Variants in MCMBP observed in about 807,000 individuals in gnomAD.
MCMBP encodes the protein mini-chromosome maintenance complex-binding protein.
A neutral mutation model predicts 81.3 loss-of-function variants in MCMBP; 31 were observed. That is an observed-to-expected ratio of 0.38 (90% CI 0.29 to 0.51). The LOEUF (loss-of-function observed/expected upper bound fraction) is 0.51. MCMBP is among the 20% of genes least tolerant of loss of function. MCMBP has a pLI of 0.87. For synonymous variants in MCMBP, 267 were observed against 275.9 expected, an observed-to-expected ratio of 0.97 and a Z score of 0.32; for missense variants, 645 against 772.1, an observed-to-expected ratio of 0.84 and a Z score of 1.95.
chr10:119,854,966 A>T (rs937611241), intron 5 of MCMBP, among the ~76,000 whole-genome samples: 3 of 151,640 alleles, frequency 2.0e-5, no homozygotes, highest in Admixed American at 6.6e-5. Flanking sequence ...AAAAAAAAAA[A>T]AAAAAATAAA....
At chr10:119,858,489 C>T (rs939684447) in intron 4 of MCMBP, among the ~76,000 whole-genome samples, 2 of 151,750 alleles carry the variant, frequency 1.3e-5, no homozygotes, top group Admixed American at 1.3e-4. Flanking sequence ...CTCCGAGCTA[C>T]CTAGGAATGA....
chr10:119,845,649 A>G (rs1367516839), intron 8 of MCMBP, among the ~76,000 whole-genome samples: 1 of 152,170 alleles, frequency 6.6e-6, no homozygotes, highest in African/African-American at 2.4e-5. Context: ...ATGAAATCAC[A>G]CTGAAGGGGA....
chr10:119,833,290 G>A (rs917439654), intron 14 of MCMBP, among the ~76,000 whole-genome samples: 7 of 152,058 alleles, frequency 4.6e-5, no homozygotes, highest in African/African-American at 1.7e-4. Context: ...ATAAACCCTA[G>A]GGAGGTTTAA....
intron 5 of MCMBP, among the ~76,000 whole-genome samples, chr10:119,856,167 A>G (rs1853033657): frequency 6.6e-6 from 1 of 152,218 alleles, no homozygotes; most frequent in Non-Finnish European, 1.5e-5. Flanking sequence ...GGTTGCAGTG[A>G]GCCAAGATCA....
intron 6 of MCMBP, among the ~76,000 whole-genome samples, chr10:119,852,448 A>G (rs1028970547): frequency 6.6e-6 from 1 of 152,186 alleles, no homozygotes; most frequent in African/African-American, 2.4e-5. Context: ...GCTGATATAG[A>G]AGGATCACCT....
rs1033152363 is a variant in MCMBP, at chr10:119,830,645, T to A, written c.*829A>T. On this transcript the variant is annotated 3_prime_UTR_variant, in exon 16 of 16. Transcript: ENST00000369077. ...TCAAATGCACTGGGATAGGAGAAAA[T>A]AAAGACAATGTAGTGTCTTGGTTTC... The A allele has an allele frequency of 6.6e-6, 1 of 152,512 alleles. No individual in the cohort carries two copies. Among genetic ancestry groups the A allele is most frequent in the Non-Finnish European group, 1.5e-5 (1 of 68,018 alleles). The allele number at this position is 152,512 out of a possible 1,614,324, so 9.4% of individuals were successfully genotyped here.
chr10:119,838,315 A>T (rs1852322227), intron 12 of MCMBP, among the ~76,000 whole-genome samples: 1 of 149,332 alleles, frequency 6.7e-6, no homozygotes, highest in Admixed American at 6.7e-5. Flanking sequence ...TATAAGATAT[A>T]TATCTGTTCC....
At chr10:119,833,841 C>T (rs1398292363) in intron 14 of MCMBP, among the ~76,000 whole-genome samples, 1 of 152,072 alleles carries the variant, frequency 6.6e-6, no homozygotes, top group African/African-American at 2.4e-5. Flanking sequence ...AAGGAAACCA[C>T]ATAAAAAGAA....
chr10:119,835,843 T>C, intron 13 of MCMBP, 139 bp from the exon 14 acceptor site: 1 of 964,054 alleles, frequency 1.0e-6, no homozygotes, highest in Non-Finnish European at 1.5e-6. Flanking sequence ...AATAATGTTT[T>C]TTTTTCTGTG....
rs1853736105 is a variant in MCMBP at position 119,872,675 on chromosome 10, G to A, written c.-91C>T. Reference sequence around the variant, plus strand: ...GGCCGGCGCCCAGCTCCTCTTCAGCGGCTCGGCCGCTCCTCGCCCGCGTTC... The same window carrying A: ...GGCCGGCGCCCAGCTCCTCTTCAGCAGCTCGGCCGCTCCTCGCCCGCGTTC... On this transcript the variant is annotated 5_prime_UTR_variant, in exon 1 of 16. Transcript: ENST00000369077. 3.1e-6 allele frequency: 2 copies of A among 638,476 alleles called. No individual in the cohort carries two copies. Among genetic ancestry groups the A allele is most frequent in the Non-Finnish European group, 4.1e-6 (2 of 483,604 alleles). The allele number at this position is 638,476 out of a possible 1,614,324, so 39.6% of individuals were successfully genotyped here.
intron 5 of MCMBP, among the ~76,000 whole-genome samples, chr10:119,854,323 T>C (rs1350451167): frequency 6.6e-6 from 1 of 151,788 alleles, no homozygotes; most frequent in African/African-American, 2.4e-5. Context: ...ATTATAGGCA[T>C]GAGCCACTGT....
intron 1 of MCMBP, among the ~76,000 whole-genome samples, chr10:119,871,654 G>A (rs1853678990): frequency 6.6e-6 from 1 of 152,038 alleles, no homozygotes; most frequent in Non-Finnish European, 1.5e-5. Flanking sequence ...AATGAGCTAA[G>A]GCCGCTCTAC....
intron 8 of MCMBP, 144 bp from the exon 9 acceptor site, chr10:119,843,570 C>G: frequency 4.2e-6 from 3 of 722,862 alleles, no homozygotes; most frequent in Non-Finnish European, 4.4e-6. Context: ...AAAGTGGCCT[C>G]TCATTCTAAA....
intron 1 of MCMBP, among the ~76,000 whole-genome samples, chr10:119,870,145 T>C (rs759765165): frequency 1.3e-5 from 2 of 152,140 alleles, no homozygotes; most frequent in East Asian, 1.9e-4. Flanking sequence ...ACAAGGACAG[T>C]AAGAAAGGGA....
rs1417371063 is a variant in MCMBP, at chr10:119,831,500, T to G, written c.1897A>C (p.Lys633Gln). ...SLRRTRLQQQ[K>Q]CVNGNEL ...TAAAGTTCATTTCCATTCACACATTTTTGCTGCTGAAGCCTCGTTCTTCTT... is the reference window on the plus strand; with the variant it reads ...TAAAGTTCATTTCCATTCACACATTGTTGCTGCTGAAGCCTCGTTCTTCTT... Residue 633 changes from lysine to glutamine, a missense_variant, in exon 16 of 16, where the codon AAA (lysine) becomes CAA (glutamine). Coordinates refer to ENST00000369077, the MANE Select transcript of MCMBP (RefSeq NM_001256378.2). The G allele has an allele frequency of 6.2e-7, 1 of 1,614,042 alleles. No homozygotes were observed. The highest frequency in any genetic ancestry group is 8.5e-7 in the Non-Finnish European group (1 of 1,179,938).
At chr10:119,848,178 A>C (rs1431581702) in intron 7 of MCMBP, among the ~76,000 whole-genome samples, 1 of 152,192 alleles carries the variant, frequency 6.6e-6, no homozygotes, top group African/African-American at 2.4e-5. Flanking sequence ...AAAAAAAAAA[A>C]AAACCTTTCA....
At chr10:119,865,426 T>C (rs1853417808) in intron 1 of MCMBP, among the ~76,000 whole-genome samples, 1 of 152,164 alleles carries the variant, frequency 6.6e-6, no homozygotes, top group African/African-American at 2.4e-5. Flanking sequence ...ACCTCATCTC[T>C]ACTAAAAATA....
chr10:119,837,068 AATCAT>A, intron 12 of MCMBP, 39 bp from the exon 13 acceptor site: 1 of 1,605,378 alleles, frequency 6.2e-7, no homozygotes, highest in South Asian at 1.1e-5. Flanking sequence ...ATTTGACTTT[AATCAT>A]CTAAACACAT....
At chr10:119,855,136 G>A (rs1589793339) in intron 5 of MCMBP, among the ~76,000 whole-genome samples, 1 of 152,044 alleles carries the variant, frequency 6.6e-6, no homozygotes, top group African/African-American at 2.4e-5. Context: ...TGAAATCTAT[G>A]ACAAAAATAG....
Sources: gnomAD v4.1 joint callset for allele counts (sites outside exome capture counted in the v4.1 genomes callset) on GRCh38, gnomAD v4.1.1 for gene constraint, MANE v1.5 for transcripts, NCBI Gene and HGNC (gene_info 2026-07-23, HGNC 2026-07-21) for gene names.